Variants in C1orf21 observed in about 807,000 individuals in gnomAD.
C1orf21 encodes the protein chromosome 1 open reading frame 21, also known as uncharacterized protein C1orf21.
C1orf21 carries 3 observed loss-of-function variants against 18.7 expected under a neutral mutation model. The observed-to-expected ratio is 0.16, with a 90% confidence interval of 0.07 to 0.42. The LOEUF is 0.42. Among genes scored for constraint, C1orf21 ranks in the 10% least tolerant of loss-of-function variants. The pLI is 0.99. For missense variants in C1orf21, 104 were observed against 143.6 expected, an observed-to-expected ratio of 0.72 and a Z score of 1.41; for synonymous variants, 41 against 46.4, an observed-to-expected ratio of 0.88 and a Z score of 0.47.
intron 1 of C1orf21, among the ~76,000 whole-genome samples, chr1:184,432,215 A>G (rs560733052): frequency 6.6e-6 from 1 of 152,374 alleles, no homozygotes; most frequent in East Asian, 1.9e-4. Context: ...CTAATGACAC[A>G]TGCACATGTA....
intron 3 of C1orf21, among the ~76,000 whole-genome samples, chr1:184,582,222 G>T (rs546874640): frequency 4.6e-5 from 7 of 152,330 alleles, no homozygotes; most frequent in Non-Finnish European, 8.8e-5. Flanking sequence ...CATCAAATGG[G>T]ATTGTTTTCT....
chr1:184,410,277 G>GAGAT (rs1656311078), intron 1 of C1orf21, among the ~76,000 whole-genome samples: 1 of 152,042 alleles, frequency 6.6e-6, no homozygotes. Flanking sequence ...GGATTATGCT[G>GAGAT]AGATAAAGGA....
chr1:184,583,114 C>T (rs1659299916), intron 3 of C1orf21, among the ~76,000 whole-genome samples: 1 of 152,206 alleles, frequency 6.6e-6, no homozygotes, highest in African/African-American at 2.4e-5. Context: ...GCTGGGATTA[C>T]AGGCGTGAGC....
At position 184,579,077 on chromosome 1, in the gene C1orf21, G is replaced by T. The variant is rs568103787; in HGVS notation, c.190-11662G>T. Among the ~76,000 whole-genome samples, 4 of 147,856 alleles carry T rather than the reference G, an allele frequency of 2.7e-5. No individual in the cohort carries two copies. The East Asian group carries it at 7.9e-4, about 29-fold the overall frequency. On this transcript the variant is annotated intron_variant, in intron 3 of 5. Coordinates refer to ENST00000235307, the MANE Select transcript of C1orf21 (RefSeq NM_030806.4). ...TTTTTTGAGACAGAGTCACTCCATT[G>T]CCCAGACAGGAGTGCAGTGGCTCCA...
chr1:184,543,877 A>G (rs966253522), intron 3 of C1orf21, among the ~76,000 whole-genome samples: 1 of 151,874 alleles, frequency 6.6e-6, no homozygotes, highest in African/African-American at 2.4e-5. Context: ...ATAAAAGATC[A>G]TTTTTTTTCA....
rs143010249 is a variant in C1orf21 at position 184,455,163 on chromosome 1, C to A, written c.-124-22223C>A. On this transcript the variant is annotated intron_variant, in intron 1 of 5. Transcript: ENST00000235307. Reference sequence around the variant, plus strand: ...GCATACTCAGGCCCATGTGTGGACTCACGTTGCAGTGCTGTTTTGCTGTTC... The same window carrying A: ...GCATACTCAGGCCCATGTGTGGACTAACGTTGCAGTGCTGTTTTGCTGTTC... 3.3e-5 allele frequency among the ~76,000 whole-genome samples: 5 copies of A among 152,318 alleles called. No individual in the cohort carries two copies. In the East Asian group the frequency reaches 9.6e-4, roughly 29 times the overall value.
chr1:184,466,454 T>C (rs1442031302), intron 1 of C1orf21, among the ~76,000 whole-genome samples: 1 of 152,188 alleles, frequency 6.6e-6, no homozygotes, highest in Non-Finnish European at 1.5e-5. Context: ...TGTTTTCCTT[T>C]AGTGGATGAT....
At chr1:184,509,426 A>G (rs1231611023) in intron 3 of C1orf21, among the ~76,000 whole-genome samples, 1 of 152,224 alleles carries the variant, frequency 6.6e-6, no homozygotes, top group Admixed American at 6.5e-5. Flanking sequence ...CCAGCCAGCC[A>G]GAGTCCAGGA....
At chr1:184,424,196 T>A (rs186407097) in intron 1 of C1orf21, among the ~76,000 whole-genome samples, 3 of 152,304 alleles carry the variant, frequency 2.0e-5, no homozygotes, top group Admixed American at 2.0e-4. Flanking sequence ...ATCATGGAGC[T>A]TCCTTGTCTT....
At position 184,474,804 on chromosome 1, in the gene C1orf21, A is replaced by G. The variant is rs545190658; in HGVS notation, c.-124-2582A>G. 7.1e-4 allele frequency among the ~76,000 whole-genome samples: 108 copies of G among 152,254 alleles called. 1 individual carries two copies. The South Asian group carries it at 7.3e-3, about 10-fold the overall frequency. ...CCTCTCACTTCAATCTCTCCTGCAT[A>G]TGTGTAAGTGTGAAGTCGTTTTCCC... is the stretch of plus-strand genomic sequence containing the variant. On this transcript the variant is annotated intron_variant, in intron 1 of 5. Transcript: ENST00000235307.
chr1:184,391,034 A>T (rs1032826149), intron 1 of C1orf21, among the ~76,000 whole-genome samples: 1 of 152,214 alleles, frequency 6.6e-6, no homozygotes, highest in Non-Finnish European at 1.5e-5. Context: ...CTGAAGTGGC[A>T]TGTAAATTAC....
chr1:184,414,682 A>C (rs1656419362), intron 1 of C1orf21, among the ~76,000 whole-genome samples: 1 of 152,148 alleles, frequency 6.6e-6, no homozygotes, highest in Non-Finnish European at 1.5e-5. Context: ...ATAAATGTTC[A>C]AATTCCATGG....
At chr1:184,567,642 C>T (rs1659052995) in intron 3 of C1orf21, 1 of 411,736 alleles carries the variant, frequency 2.4e-6, no homozygotes, top group South Asian at 2.1e-5. Flanking sequence ...AGACTGCAGC[C>T]TACAATGGCA....
chr1:184,488,503 A>C (rs185132791), intron 2 of C1orf21, among the ~76,000 whole-genome samples: 1 of 152,340 alleles, frequency 6.6e-6, no homozygotes, highest in East Asian at 1.9e-4. Flanking sequence ...TGCATCCATA[A>C]GCAGCTGAAA....
intron 3 of C1orf21, among the ~76,000 whole-genome samples, chr1:184,515,282 T>C (rs1263012226): frequency 6.6e-6 from 1 of 152,204 alleles, no homozygotes; most frequent in African/African-American, 2.4e-5. Context: ...ATGAGTATAT[T>C]ATCTGTGTGC....
At chr1:184,605,163 C>T (rs1035790783) in intron 5 of C1orf21, among the ~76,000 whole-genome samples, 1 of 152,206 alleles carries the variant, frequency 6.6e-6, no homozygotes. Flanking sequence ...CATTCAGCTT[C>T]TCCTTGCCCT....
chr1:184,556,017 T>G (rs570771451), intron 3 of C1orf21, among the ~76,000 whole-genome samples: 2 of 152,166 alleles, frequency 1.3e-5, no homozygotes, highest in South Asian at 2.1e-4. Flanking sequence ...TCTAGAACGA[T>G]CTGTAAGAAA....
At chr1:184,407,948 T>G (rs1271972983) in intron 1 of C1orf21, among the ~76,000 whole-genome samples, 2 of 152,210 alleles carry the variant, frequency 1.3e-5, no homozygotes, top group Admixed American at 1.3e-4. Flanking sequence ...CCATATAAAC[T>G]TCATTGCAGA....
intron 3 of C1orf21, among the ~76,000 whole-genome samples, chr1:184,508,550 A>G (rs1189019343): frequency 1.3e-5 from 2 of 152,182 alleles, no homozygotes; most frequent in African/African-American, 4.8e-5. Flanking sequence ...GACTTCTGCT[A>G]CAGCAGAGGA....
Sources: gnomAD v4.1 joint callset for allele counts (sites outside exome capture counted in the v4.1 genomes callset) on GRCh38, gnomAD v4.1.1 for gene constraint, MANE v1.5 for transcripts, NCBI Gene and HGNC (gene_info 2026-07-23, HGNC 2026-07-21) for gene names.